The following MAP2K5 variants were observed in gnomAD, a reference collection of about 807,000 sequenced individuals.
MAP2K5 encodes the protein dual specificity mitogen-activated protein kinase kinase 5.
Under a neutral mutation model 83.1 loss-of-function variants are expected in MAP2K5, and 49 were observed. The ratio of observed to expected loss-of-function variants is 0.59; its 90% CI spans 0.47 to 0.75. MAP2K5 has a LOEUF of 0.75. MAP2K5 is among the 30% of genes least tolerant of loss of function. The probability of loss-of-function intolerance (pLI) is 0.00; values close to 1 mark genes in which losing one functional copy is unlikely to be tolerated. For missense variants in MAP2K5, 457 were observed against 557.5 expected (o/e 0.82, Z 1.82); for synonymous variants, 202 against 191.8 (o/e 1.05, Z -0.44).
At chr15:67,647,102 T>C (rs76918703) in intron 11 of MAP2K5, among the ~76,000 whole-genome samples, 4,051 of 152,314 alleles carry the variant, frequency 0.027, 66 homozygotes, top group Non-Finnish European at 0.038. Context: ...AAGCAGTCTT[T>C]AAATTTTACA....
At chr15:67,669,362 G>A (rs1031481313) in intron 13 of MAP2K5, among the ~76,000 whole-genome samples, 5 of 152,108 alleles carry the variant, frequency 3.3e-5, no homozygotes, top group African/African-American at 1.2e-4. Context: ...GCAAAGGGTA[G>A]GTTGCGTATT....
chr15:67,634,750 A>G (rs575949640), intron 9 of MAP2K5, among the ~76,000 whole-genome samples: 48 of 152,064 alleles, frequency 3.2e-4, no homozygotes, highest in Non-Finnish European at 5.3e-4. Flanking sequence ...CATTTTGACA[A>G]GTGTTAGCAT....
Position 67,782,038 on chromosome 15 carries a change from C to G in MAP2K5, c.1242+9286C>G, listed in dbSNP as rs1056571170. 8.5e-5 allele frequency among the ~76,000 whole-genome samples: 13 copies of G among 152,192 alleles called. No individual in the cohort carries two copies. The highest frequency in any genetic ancestry group is 7.9e-4 in the Admixed American group (12 of 15,278). On this transcript the variant is annotated intron_variant, in intron 21 of 21. Coordinates refer to ENST00000178640, the MANE Select transcript of MAP2K5 (RefSeq NM_145160.3). This position sits in a 1 kb window ranked among gnomAD's most constrained non-coding sequence, Gnocchi z 4.9. ...TAGCCTCTTGTTCAGATTTTTCCAT[C>G]AAAGCTCTTTTTTAATCCTCTGAAT...
rs561551203 is a variant in MAP2K5, at chr15:67,572,712, T to A, written c.253-8042T>A. 8.3e-3 allele frequency among the ~76,000 whole-genome samples: 1,263 copies of A among 152,170 alleles called. 40 individuals carry two copies. The highest frequency in any genetic ancestry group is 0.061 in the Admixed American group (937 of 15,270). ...AATTGATATTATTATTATTATTTTT[T>A]TTTTTGAGATGGAGTCTTGCTCTGT... is the stretch of plus-strand genomic sequence containing the variant. On this transcript the variant is annotated intron_variant, in intron 3 of 21. Coordinates refer to ENST00000178640, the MANE Select transcript of MAP2K5 (RefSeq NM_145160.3). The surrounding 1 kb of genome is among the most constrained non-coding windows in gnomAD (Gnocchi z 4.2).
In MAP2K5 at chr15:67,768,879, G is replaced by C. The variant is rs2090091885; in HGVS notation, c.1135-723G>C. On this transcript the variant is annotated intron_variant, in intron 19 of 21. Transcript: ENST00000178640. This position sits in a 1 kb window ranked among gnomAD's most constrained non-coding sequence, Gnocchi z 4.0. Reference sequence around the variant, plus strand: ...GCCTTCCTTTGCAAACGGTAATGGGGTTTGCTCTTTGTATTATGTGGTGGT... The same window carrying C: ...GCCTTCCTTTGCAAACGGTAATGGGCTTTGCTCTTTGTATTATGTGGTGGT... Among the ~76,000 whole-genome samples, 1 of 152,188 alleles carries C rather than the reference G, an allele frequency of 6.6e-6. No individual in the cohort carries two copies. The highest frequency in any genetic ancestry group is 2.1e-4 in the South Asian group (1 of 4,836).
chr15:67,579,485 C>T (rs542212312), intron 3 of MAP2K5, among the ~76,000 whole-genome samples: 5 of 152,114 alleles, frequency 3.3e-5, no homozygotes, highest in South Asian at 2.1e-4. Flanking sequence ...ATGTTTATGC[C>T]GTATGTATAT....
In MAP2K5 at chr15:67,558,071, G is replaced by C. The variant is rs929025212; in HGVS notation, c.185-5212G>C. ...ATGCAAAAAGTCCAAATCCCTTTTA[G>C]TCTTATGAGAGTAGTCATTTCTTAT... On this transcript the variant is annotated intron_variant, in intron 2 of 21. Coordinates refer to ENST00000178640, the MANE Select transcript of MAP2K5 (RefSeq NM_145160.3). 2.5e-4 allele frequency among the ~76,000 whole-genome samples: 38 copies of C among 152,126 alleles called. 1 individual carries two copies. Among genetic ancestry groups the C allele is most frequent in the African/African-American group, 8.9e-4 (37 of 41,438 alleles).
intron 16 of MAP2K5, 140 bp downstream of exon 16, chr15:67,703,548 C>G: frequency 1.6e-6 from 1 of 636,592 alleles, no homozygotes; most frequent in Non-Finnish European, 2.6e-6. Flanking sequence ...ACCATAAAGT[C>G]TTTGATTCCT....
At chr15:67,766,200 C>G (rs2090038460) in intron 19 of MAP2K5, among the ~76,000 whole-genome samples, 1 of 152,176 alleles carries the variant, frequency 6.6e-6, no homozygotes, top group Non-Finnish European at 1.5e-5. Context: ...CAGCTTGTGT[C>G]CCTTCAGCAG....
intron 17 of MAP2K5, among the ~76,000 whole-genome samples, chr15:67,730,293 A>C (rs555848037): frequency 6.6e-6 from 1 of 152,330 alleles, no homozygotes; most frequent in Admixed American, 6.5e-5. Flanking sequence ...TGAGTTATGG[A>C]ATAACACCTT....
At chr15:67,700,566 G>A (rs2088389663) in intron 15 of MAP2K5, among the ~76,000 whole-genome samples, 1 of 152,088 alleles carries the variant, frequency 6.6e-6, no homozygotes, top group East Asian at 1.9e-4. Flanking sequence ...GACAGGGCAG[G>A]CCACCTTGGC....
rs2086788899 is a variant in MAP2K5, at chr15:67,644,563, C to A, written c.586-1668C>A. On this transcript the variant is annotated intron_variant, in intron 9 of 21. Coordinates refer to ENST00000178640, the MANE Select transcript of MAP2K5 (RefSeq NM_145160.3). The surrounding 1 kb of genome is among the most constrained non-coding windows in gnomAD (Gnocchi z 4.6). ...TATTTTATATTTATGGGTTATAAAT[C>A]ACTGTGGGTAATATCACTCAGTGAT... Among the ~76,000 whole-genome samples, 1 of 151,910 alleles carries A rather than the reference C, an allele frequency of 6.6e-6. No homozygotes were observed. Among genetic ancestry groups the A allele is most frequent in the Non-Finnish European group, 1.5e-5 (1 of 68,004 alleles).
At chr15:67,651,770 C>T (rs1466237208) in intron 11 of MAP2K5, among the ~76,000 whole-genome samples, 2 of 152,148 alleles carry the variant, frequency 1.3e-5, no homozygotes, top group African/African-American at 4.8e-5. Flanking sequence ...TCGATGGACA[C>T]TCAGATTGAT....
chr15:67,789,932 C>T lies in MAP2K5; in HGVS notation c.1243-16714C>T, dbSNP rs1379304644. 2.0e-5 allele frequency among the ~76,000 whole-genome samples: 3 copies of T among 152,142 alleles called. No individual in the cohort carries two copies. In the East Asian group the frequency reaches 5.8e-4, roughly 29 times the overall value. On this transcript the variant is annotated intron_variant, in intron 21 of 21. Transcript: ENST00000178640. Reference sequence around the variant, plus strand: ...ACACAATTTCCAAGGCCCCATCCCACTTCTGCAGTCTGTGGTCCAGGCCCG... The same window carrying T: ...ACACAATTTCCAAGGCCCCATCCCATTTCTGCAGTCTGTGGTCCAGGCCCG...
At chr15:67,612,588 G>A (rs1359053592) in intron 8 of MAP2K5, among the ~76,000 whole-genome samples, 3 of 152,052 alleles carry the variant, frequency 2.0e-5, no homozygotes, top group African/African-American at 2.4e-5. Context: ...AGTTTGTGTC[G>A]TTCAGTTTTT....
intron 13 of MAP2K5, among the ~76,000 whole-genome samples, chr15:67,675,895 A>G (rs1271866163): frequency 6.6e-5 from 10 of 152,310 alleles, no homozygotes; most frequent in South Asian, 2.1e-4. Context: ...ATGAGTATCA[A>G]TGGAAGCCTT....
chr15:67,668,195 A>G lies in MAP2K5; in HGVS notation c.847+3550A>G, dbSNP rs534238137. On this transcript the variant is annotated intron_variant, in intron 13 of 21. Transcript: ENST00000178640. This position sits in a 1 kb window ranked among gnomAD's most constrained non-coding sequence, Gnocchi z 4.0. The stretch of plus-strand genomic sequence containing the variant: ...AATGCTAAGAATGTGGCATGTTTTT[A>G]TTATAACCATGAATTAATCACTTTA... 6.6e-6 allele frequency among the ~76,000 whole-genome samples: 1 copy of G among 152,258 alleles called. No individual in the cohort carries two copies. The highest frequency in any genetic ancestry group is 2.1e-4 in the South Asian group (1 of 4,826).
In MAP2K5 at chr15:67,785,032, C is replaced by T. The variant is rs190702406; in HGVS notation, c.1242+12280C>T. ...TTGGCTCAGTGCAGCCTCAATCTCCCAGGCTCAGGTGATCCTCCTACCTCA... is the reference window on the plus strand; with the variant it reads ...TTGGCTCAGTGCAGCCTCAATCTCCTAGGCTCAGGTGATCCTCCTACCTCA... On this transcript the variant is annotated intron_variant, in intron 21 of 21. Transcript: ENST00000178640. This position sits in a 1 kb window ranked among gnomAD's most constrained non-coding sequence, Gnocchi z 4.4. Among the ~76,000 whole-genome samples, 153 of 152,316 alleles carry T rather than the reference C, an allele frequency of 1.0e-3. 1 individual carries two copies. The highest frequency in any genetic ancestry group is 3.5e-3 in the African/African-American group (146 of 41,568).
chr15:67,647,540 AGTTTGAG>A (rs2086854957), intron 11 of MAP2K5, among the ~76,000 whole-genome samples: 1 of 152,128 alleles, frequency 6.6e-6, no homozygotes, highest in Non-Finnish European at 1.5e-5. Context: ...TGAGCCCAGG[AGTTTGAG>A]ACCAGCATAA....
Sources: allele counts gnomAD v4.1 joint callset (sites outside exome capture counted in the v4.1 genomes callset), GRCh38; gene constraint gnomAD v4.1.1; non-coding constraint Gnocchi (gnomAD v3.1); transcripts MANE v1.5; gene names NCBI Gene and HGNC (gene_info 2026-07-23, HGNC 2026-07-21).